Variants in CADM2 observed in about 807,000 individuals in gnomAD.
CADM2 encodes the protein immunoglobulin superfamily member 4D.
A neutral mutation model predicts 49.8 loss-of-function variants in CADM2; 12 were observed. The observed-to-expected ratio is 0.24, with a 90% CI of 0.15 to 0.39. The LOEUF is 0.39. CADM2 is among the 10% of genes least tolerant of loss of function. The probability of loss-of-function intolerance (pLI) is 1.00; values close to 1 mark genes in which losing one functional copy is unlikely to be tolerated. For synonymous variants in CADM2, 214 were observed against 175.4 expected, an observed-to-expected ratio of 1.22 and a Z score of -1.74; for missense variants, 378 against 492.3, an observed-to-expected ratio of 0.77 and a Z score of 2.20.
chr3:85,677,852 C>T (rs967552781), intron 1 of CADM2, among the ~76,000 whole-genome samples: 1 of 152,160 alleles, frequency 6.6e-6, no homozygotes, highest in Admixed American at 6.5e-5. Flanking sequence ...AAACATATTT[C>T]TGATTATTAT....
rs906631486 is a variant in CADM2 at position 85,267,796 on chromosome 3, T to A, written c.61+308128T>A. On this transcript the variant is annotated intron_variant, in intron 1 of 9. Coordinates refer to ENST00000383699, the MANE Select transcript of CADM2 (RefSeq NM_001167675.2). ...ATAGCCAATTTGAGATTTTTAGATATCTAGAATCAAAGGTTTAAAATATTT... is the reference window on the plus strand; with the variant it reads ...ATAGCCAATTTGAGATTTTTAGATAACTAGAATCAAAGGTTTAAAATATTT... Among the ~76,000 whole-genome samples, 8 of 151,708 alleles carry A rather than the reference T, an allele frequency of 5.3e-5. No individual in the cohort carries two copies. The East Asian group carries it at 1.6e-3, about 29-fold the overall frequency.
At chr3:85,940,454 C>A (rs1030186012) in intron 7 of CADM2, among the ~76,000 whole-genome samples, 1 of 151,880 alleles carries the variant, frequency 6.6e-6, no homozygotes. Context: ...TACCATCAGA[C>A]GAAATGACAA....
At chr3:85,553,709 T>A (rs1000385339) in intron 1 of CADM2, among the ~76,000 whole-genome samples, 1 of 152,218 alleles carries the variant, frequency 6.6e-6, no homozygotes, top group African/African-American at 2.4e-5. Flanking sequence ...GTGTGGGAAC[T>A]AGTAATCTGC....
intron 1 of CADM2, among the ~76,000 whole-genome samples, chr3:85,637,357 C>G (rs1036487179): frequency 2.8e-4 from 43 of 151,376 alleles, no homozygotes; most frequent in African/African-American, 9.7e-4. Flanking sequence ...AATCCCAGCA[C>G]TTTGGGAGGC....
chr3:85,142,221 T>G (rs1393325079), intron 1 of CADM2, among the ~76,000 whole-genome samples: 2 of 152,222 alleles, frequency 1.3e-5, no homozygotes, highest in Non-Finnish European at 2.9e-5. Context: ...GCCCTCATGG[T>G]CTCACATTGG....
At chr3:85,723,948 T>C (rs913850987) in intron 1 of CADM2, among the ~76,000 whole-genome samples, 14 of 152,036 alleles carry the variant, frequency 9.2e-5, no homozygotes, top group Admixed American at 8.5e-4. Context: ...AATTTATTGA[T>C]GCATTGTAAT....
At chr3:85,855,540 G>T (rs2075272140) in intron 3 of CADM2, among the ~76,000 whole-genome samples, 1 of 146,056 alleles carries the variant, frequency 6.8e-6, no homozygotes, top group African/African-American at 2.5e-5. Context: ...AAAATGTCAA[G>T]AATTGTTTAT....
At chr3:85,905,421 T>C (rs902170670) in intron 5 of CADM2, among the ~76,000 whole-genome samples, 3 of 152,126 alleles carry the variant, frequency 2.0e-5, no homozygotes, top group African/African-American at 7.2e-5. Flanking sequence ...CCCCGAATTA[T>C]ATATATTGAC....
chr3:85,010,199 AC>A (rs1402466259), intron 1 of CADM2, among the ~76,000 whole-genome samples: 4 of 152,154 alleles, frequency 2.6e-5, no homozygotes, highest in Non-Finnish European at 2.9e-5. Context: ...TATTAATGCA[AC>A]CCAAGATCCA....
chr3:85,605,112 A>G (rs2063509868), intron 1 of CADM2, among the ~76,000 whole-genome samples: 1 of 152,066 alleles, frequency 6.6e-6, no homozygotes, highest in African/African-American at 2.4e-5. Context: ...GGCACAGGGA[A>G]TAGATTTTGT....
chr3:85,527,384 A>G (rs1006283747), intron 1 of CADM2, among the ~76,000 whole-genome samples: 7 of 150,606 alleles, frequency 4.6e-5, no homozygotes, highest in African/African-American at 1.7e-4. Context: ...ACAGAGCAAG[A>G]CACTCTCTCC....
intron 1 of CADM2, among the ~76,000 whole-genome samples, chr3:85,568,461 T>TTTCTC (rs1559915989): frequency 0.014 from 204 of 15,000 alleles, no homozygotes; most frequent in Non-Finnish European, 0.023. Flanking sequence ...CTTTCTTTCT[T>TTTCTC]TCTCTTTCTC....
chr3:85,759,550 T>C (rs2069276915), intron 2 of CADM2, among the ~76,000 whole-genome samples: 1 of 152,144 alleles, frequency 6.6e-6, no homozygotes. Flanking sequence ...ACATCTTTTA[T>C]TTCAAGCTTA....
chr3:85,730,892 C>T (rs568825738), intron 2 of CADM2, among the ~76,000 whole-genome samples: 17 of 152,066 alleles, frequency 1.1e-4, no homozygotes, highest in African/African-American at 2.9e-4. Context: ...ATTTTCAAAG[C>T]GAATGTCTTA....
Position 86,039,525 on chromosome 3 carries a change from G to A in CADM2, c.971-26080G>A, listed in dbSNP as rs567265209. ...TGACATCAAACTGCAAGGTGGCAGC[G>A]AGGCTGGGGGAGGGGTGCCCACCAT... On this transcript the variant is annotated intron_variant, in intron 8 of 9. Coordinates refer to ENST00000383699, the MANE Select transcript of CADM2 (RefSeq NM_001167675.2). Among the ~76,000 whole-genome samples, 52 of 152,278 alleles carry A rather than the reference G, an allele frequency of 3.4e-4. 1 individual carries two copies. The highest frequency in any genetic ancestry group is 1.1e-3 in the African/African-American group (45 of 41,572).
chr3:85,955,338 G>C (rs1490447249), intron 7 of CADM2, among the ~76,000 whole-genome samples: 1 of 151,360 alleles, frequency 6.6e-6, no homozygotes, highest in Non-Finnish European at 1.5e-5. Context: ...AAAAAGGAGA[G>C]ACTGGAGAAT....
At chr3:85,065,091 A>G (rs1349017840) in intron 1 of CADM2, among the ~76,000 whole-genome samples, 1 of 152,114 alleles carries the variant, frequency 6.6e-6, no homozygotes, top group Non-Finnish European at 1.5e-5. Context: ...TTAATAGATA[A>G]TACTAATTTT....
At chr3:85,071,835 A>G (rs1453282647) in intron 1 of CADM2, among the ~76,000 whole-genome samples, 1 of 152,006 alleles carries the variant, frequency 6.6e-6, no homozygotes, top group African/African-American at 2.4e-5. Context: ...GTTATGATAT[A>G]TGATTGTTTG....
intron 3 of CADM2, among the ~76,000 whole-genome samples, chr3:85,857,752 A>G (rs1465285666): frequency 2.0e-5 from 3 of 152,198 alleles, no homozygotes; most frequent in Non-Finnish European, 4.4e-5. Context: ...CACTATTTTT[A>G]TGAGAAGCTG....
Sources: gnomAD v4.1 joint callset for allele counts (sites outside exome capture counted in the v4.1 genomes callset) on GRCh38, gnomAD v4.1.1 for gene constraint, MANE v1.5 for transcripts, NCBI Gene and HGNC (gene_info 2026-07-23, HGNC 2026-07-21) for gene names.